The following PFDN1 variants were observed in gnomAD, a reference collection of about 807,000 sequenced individuals.
The protein encoded by PFDN1 is prefoldin 1.
A neutral mutation model predicts 17.3 loss-of-function variants in PFDN1; 6 were observed. The observed-to-expected ratio is 0.35, with a 90% CI of 0.19 to 0.69. The LOEUF (loss-of-function observed/expected upper bound fraction) is 0.69, where lower values mean the gene tolerates loss of function less well. Ranked by LOEUF, PFDN1 falls within the 30% of genes least tolerant of loss-of-function variation. PFDN1 has a pLI of 0.65. For synonymous variants in PFDN1, 58 were observed against 50.1 expected (o/e 1.16, Z -0.67); for missense variants, 113 against 146.2 (o/e 0.77, Z 1.17).
intron 3 of PFDN1, among the ~76,000 whole-genome samples, chr5:140,278,581 A>ACC (rs1765339700): frequency 1.6e-4 from 20 of 128,046 alleles, no homozygotes; most frequent in African/African-American, 3.4e-4. Context: ...AAAAAAAAAA[A>ACC]AAAAAACAAA....
chr5:140,280,584 G>C (rs1248542087), intron 3 of PFDN1, among the ~76,000 whole-genome samples: 1 of 152,206 alleles, frequency 6.6e-6, no homozygotes, highest in Non-Finnish European at 1.5e-5. Context: ...GTGCCCCTAA[G>C]AAATCCTCAG....
chr5:140,249,019 C>T (rs367777410), intron 3 of PFDN1, among the ~76,000 whole-genome samples: 2 of 152,172 alleles, frequency 1.3e-5, no homozygotes, highest in Admixed American at 6.5e-5. Context: ...AGAAAAAATT[C>T]CAACAGGACA....
chr5:140,246,061 C>A lies in PFDN1; in HGVS notation c.286-4G>T. 2 of 1,539,784 alleles carry A rather than the reference C, an allele frequency of 1.3e-6. No individual in the cohort carries two copies. Among genetic ancestry groups the A allele is most frequent in the Non-Finnish European group, 1.8e-6 (2 of 1,134,110 alleles). On this transcript the variant is annotated splice_polypyrimidine_tract_variant and splice_region_variant and intron_variant, in intron 3 of 3. Coordinates refer to ENST00000261813, the MANE Select transcript of PFDN1 (RefSeq NM_002622.5). ...GCTCCAGGTAGGACTTTTTCTGCTG[C>A]AATATGAGAGACAGACAAAGGTTAG...
chr5:140,274,415 C>T (rs922276320), intron 3 of PFDN1, among the ~76,000 whole-genome samples: 2 of 152,068 alleles, frequency 1.3e-5, no homozygotes, highest in African/African-American at 2.4e-5. Context: ...GCACTCAGTA[C>T]CTTCTTTAGA....
At chr5:140,266,122 A>AC in intron 3 of PFDN1, among the ~76,000 whole-genome samples, 1 of 152,304 alleles carries the variant, frequency 6.6e-6, no homozygotes, top group African/African-American at 2.4e-5. Flanking sequence ...AATGAGTGAC[A>AC]TATGGGGAAG....
At chr5:140,278,279 A>G (rs1765329676) in intron 3 of PFDN1, among the ~76,000 whole-genome samples, 2 of 148,894 alleles carry the variant, frequency 1.3e-5, no homozygotes, top group Admixed American at 6.8e-5. Flanking sequence ...AATAAGACAT[A>G]CGCCCCAGTC....
At chr5:140,297,528 A>G (rs1330133724) in intron 2 of PFDN1, among the ~76,000 whole-genome samples, 2 of 152,238 alleles carry the variant, frequency 1.3e-5, no homozygotes. Flanking sequence ...GGTGAGATGC[A>G]GACAGCACTA....
At chr5:140,259,296 T>C (rs1765030837) in intron 3 of PFDN1, among the ~76,000 whole-genome samples, 2 of 152,190 alleles carry the variant, frequency 1.3e-5, no homozygotes, top group African/African-American at 4.8e-5. Context: ...CTCAAGAACA[T>C]GTAATGCAGT....
chr5:140,264,192 G>T (rs747409097), intron 3 of PFDN1, among the ~76,000 whole-genome samples: 1 of 152,046 alleles, frequency 6.6e-6, no homozygotes, highest in Non-Finnish European at 1.5e-5. Context: ...TCATCACCAA[G>T]GGGATTGTGC....
At chr5:140,283,093 T>C (rs1232243260) in intron 2 of PFDN1, among the ~76,000 whole-genome samples, 1 of 152,146 alleles carries the variant, frequency 6.6e-6, no homozygotes, top group Non-Finnish European at 1.5e-5. Flanking sequence ...AAAAGGGCAA[T>C]TAGCTATGCC....
rs1764953056 is a variant in PFDN1, at chr5:140,254,073, C to T, written c.286-8016G>A. 6.6e-6 allele frequency among the ~76,000 whole-genome samples: 1 copy of T among 152,206 alleles called. No homozygotes were observed. The highest frequency in any genetic ancestry group is 2.4e-5 in the African/African-American group (1 of 41,444). ...AGGGCCAGATAATAAATATTTCAGG[C>T]TTTCACTGTGGGGTTATCTCTGTTA... On this transcript the variant is annotated intron_variant, in intron 3 of 3. Transcript: ENST00000261813. This position sits in a 1 kb window ranked among gnomAD's most constrained non-coding sequence, Gnocchi z 4.4.
intron 3 of PFDN1, among the ~76,000 whole-genome samples, chr5:140,256,356 G>C (rs1315537704): frequency 6.6e-6 from 1 of 151,922 alleles, no homozygotes; most frequent in Non-Finnish European, 1.5e-5. Flanking sequence ...CTCCAGCGTG[G>C]GTGACAGAGC....
At chr5:140,302,648 G>T (rs1245363538) in intron 1 of PFDN1, among the ~76,000 whole-genome samples, 2 of 152,178 alleles carry the variant, frequency 1.3e-5, no homozygotes, top group Admixed American at 1.3e-4. Context: ...GTTTTTCAAA[G>T]CAAATGAGGC....
At chr5:140,259,412 G>A (rs1002667015) in intron 3 of PFDN1, among the ~76,000 whole-genome samples, 1 of 152,188 alleles carries the variant, frequency 6.6e-6, no homozygotes, top group Non-Finnish European at 1.5e-5. Flanking sequence ...CCAAGGAAAC[G>A]ATTACAGTTT....
At chr5:140,291,228 G>A (rs1276830118) in intron 2 of PFDN1, among the ~76,000 whole-genome samples, 1 of 152,224 alleles carries the variant, frequency 6.6e-6, no homozygotes, top group Admixed American at 6.5e-5. Context: ...ACAGAAGCAA[G>A]GAGCCTAGTT....
rs1457059072 is a variant in PFDN1 at position 140,270,920 on chromosome 5, C to T, written c.285+10529G>A. Among the ~76,000 whole-genome samples the T allele has an allele frequency of 4.0e-5, 6 of 151,362 alleles. No individual in the cohort carries two copies. The East Asian group carries it at 5.8e-4, about 15-fold the overall frequency. Reference sequence around the variant, plus strand: ...CAGCCTGGGTGACAGAGCAAGACTCCGTCTCAAAAAAAAAGAACCAATCTA... The same window carrying T: ...CAGCCTGGGTGACAGAGCAAGACTCTGTCTCAAAAAAAAAGAACCAATCTA... On this transcript the variant is annotated intron_variant, in intron 3 of 3. Coordinates refer to ENST00000261813, the MANE Select transcript of PFDN1 (RefSeq NM_002622.5).
At position 140,274,484 on chromosome 5, in the gene PFDN1, C is replaced by T. The variant is rs549441368; in HGVS notation, c.285+6965G>A. On this transcript the variant is annotated intron_variant, in intron 3 of 3. Transcript: ENST00000261813. Reference sequence around the variant, plus strand: ...TTTCCTCAAAAAATGACAAAAATAACATGGTTACTCTATCATACTAAAGCC... The same window carrying T: ...TTTCCTCAAAAAATGACAAAAATAATATGGTTACTCTATCATACTAAAGCC... Among the ~76,000 whole-genome samples the T allele has an allele frequency of 2.2e-4, 34 of 152,204 alleles. No individual in the cohort carries two copies. In the South Asian group the frequency reaches 7.1e-3, roughly 32 times the overall value.
At chr5:140,267,753 C>A (rs1440543958) in intron 3 of PFDN1, among the ~76,000 whole-genome samples, 1 of 147,858 alleles carries the variant, frequency 6.8e-6, no homozygotes, top group Non-Finnish European at 1.5e-5. Context: ...ATACTACCAG[C>A]AAAAAAAAAA....
intron 3 of PFDN1, among the ~76,000 whole-genome samples, chr5:140,252,521 C>A (rs938743790): frequency 1.3e-5 from 2 of 152,118 alleles, no homozygotes; most frequent in Non-Finnish European, 2.9e-5. Flanking sequence ...TACTATTAAT[C>A]AAAAAAACTG....
Sources: gnomAD v4.1 joint callset for allele counts (sites outside exome capture counted in the v4.1 genomes callset) on GRCh38, gnomAD v4.1.1 for gene constraint, Gnocchi (gnomAD v3.1) non-coding constraint, MANE v1.5 for transcripts, NCBI Gene and HGNC (gene_info 2026-07-23, HGNC 2026-07-21) for gene names.